The following SORCS3 variants were observed in gnomAD, a reference collection of about 807,000 sequenced individuals.
SORCS3 encodes sortilin related VPS10 domain containing receptor 3.
In SORCS3, 57 loss-of-function variants were observed where a neutral mutation model predicts 146.3. That is an observed-to-expected ratio of 0.39 (90% CI 0.31 to 0.49). SORCS3 has a LOEUF of 0.49. Among genes scored for constraint, SORCS3 ranks in the 20% least tolerant of loss-of-function variants. The pLI is 0.92. For synonymous variants in SORCS3, 653 were observed against 618.5 expected (o/e 1.06, Z -0.83); for missense variants, 1,341 against 1,575.5 (o/e 0.85, Z 2.52).
intron 13 of SORCS3, among the ~76,000 whole-genome samples, chr10:105,177,339 T>C (rs1385854340): frequency 1.3e-5 from 2 of 152,196 alleles, no homozygotes; most frequent in African/African-American, 4.8e-5. Context: ...TCAGAGGAGA[T>C]GGTCCTTGGG....
intron 2 of SORCS3, among the ~76,000 whole-genome samples, chr10:104,893,214 C>T (rs79921272): frequency 0.016 from 2,455 of 152,192 alleles, 67 homozygotes; most frequent in African/African-American, 0.056. Context: ...ACTTGGGTCC[C>T]AAGGAAAATG....
intron 2 of SORCS3, among the ~76,000 whole-genome samples, chr10:104,874,671 C>T (rs2018552887): frequency 6.6e-6 from 1 of 152,114 alleles, no homozygotes; most frequent in Non-Finnish European, 1.5e-5. Context: ...GTGAAGGTGT[C>T]ATAATGGAGG....
chr10:104,865,179 G>C (rs2018446176), intron 2 of SORCS3, among the ~76,000 whole-genome samples: 1 of 152,136 alleles, frequency 6.6e-6, no homozygotes, highest in Non-Finnish European at 1.5e-5. Flanking sequence ...TTCTCACACA[G>C]CATGGTTCCT....
intron 1 of SORCS3, among the ~76,000 whole-genome samples, chr10:104,735,788 C>T (rs1412308360): frequency 1.3e-5 from 2 of 152,034 alleles, no homozygotes; most frequent in African/African-American, 4.8e-5. Context: ...AGCATGGGCT[C>T]CAGCCAGGAC....
At chr10:105,202,829 A>C (rs896542534) in intron 16 of SORCS3, among the ~76,000 whole-genome samples, 1 of 152,200 alleles carries the variant, frequency 6.6e-6, no homozygotes, top group Non-Finnish European at 1.5e-5. Context: ...CATCACAATA[A>C]AAAGCTAAAG....
Position 104,850,930 on chromosome 10 carries a change from A to C in SORCS3, c.695+8071A>C, listed in dbSNP as rs1463398696. On this transcript the variant is annotated intron_variant, in intron 2 of 26. Coordinates refer to ENST00000369701, the MANE Select transcript of SORCS3 (RefSeq NM_014978.3). ...TGGTGAAGTTGCAATCCAAGTGTCA[A>C]TAAAATAACTTACTCTGCTAACTTG... Among the ~76,000 whole-genome samples the C allele has an allele frequency of 2.0e-5, 3 of 152,212 alleles. No individual in the cohort carries two copies. In the East Asian group the frequency reaches 5.8e-4, roughly 29 times the overall value.
At chr10:104,793,543 T>C (rs1169738159) in intron 1 of SORCS3, among the ~76,000 whole-genome samples, 1 of 152,144 alleles carries the variant, frequency 6.6e-6, no homozygotes, top group Non-Finnish European at 1.5e-5. Context: ...AAATCTGGAC[T>C]GAAGTTGTGG....
chr10:104,764,594 A>G (rs1295056207), intron 1 of SORCS3, among the ~76,000 whole-genome samples: 1 of 152,238 alleles, frequency 6.6e-6, no homozygotes. Flanking sequence ...AAGTGATAGT[A>G]ATTTGTAAAT....
chr10:105,074,105 A>G (rs2055574110), intron 5 of SORCS3, among the ~76,000 whole-genome samples: 2 of 152,204 alleles, frequency 1.3e-5, no homozygotes, highest in Admixed American at 1.3e-4. Flanking sequence ...ACATTAAATG[A>G]TATAAAGAAA....
chr10:105,063,971 T>C (rs149996272), intron 5 of SORCS3, among the ~76,000 whole-genome samples: 1 of 152,342 alleles, frequency 6.6e-6, no homozygotes, highest in Non-Finnish European at 1.5e-5. Context: ...CTGAGCATGC[T>C]GCTAGTTCCC....
chr10:105,043,354 C>T (rs945009085), intron 5 of SORCS3, among the ~76,000 whole-genome samples: 10 of 152,080 alleles, frequency 6.6e-5, no homozygotes, highest in African/African-American at 2.2e-4. Flanking sequence ...TTGCATTTAA[C>T]ATGATCCTTT....
intron 4 of SORCS3, among the ~76,000 whole-genome samples, chr10:104,993,423 AT>A (rs1564730570): frequency 6.6e-6 from 1 of 152,216 alleles, no homozygotes; most frequent in African/African-American, 2.4e-5. Context: ...GCTTTTTAAA[AT>A]GGAGACTTTA....
At chr10:105,165,325 A>G (rs1333004271) in intron 12 of SORCS3, among the ~76,000 whole-genome samples, 1 of 152,206 alleles carries the variant, frequency 6.6e-6, no homozygotes, top group Non-Finnish European at 1.5e-5. Flanking sequence ...CAGGAAAGAC[A>G]TCACAAGGAG....
intron 18 of SORCS3, 67 bp from the exon 19 acceptor site, chr10:105,216,869 G>A (rs746898364): frequency 2.0e-6 from 3 of 1,501,184 alleles, no homozygotes; most frequent in Non-Finnish European, 2.8e-6. Context: ...GAAGCAACAG[G>A]AGGAAGCATC....
At chr10:104,992,323 A>G (rs2054999285) in intron 4 of SORCS3, among the ~76,000 whole-genome samples, 1 of 152,242 alleles carries the variant, frequency 6.6e-6, no homozygotes, top group South Asian at 2.1e-4. Flanking sequence ...TTGGAAGAAC[A>G]TCGAGGGATC....
At chr10:105,017,145 A>ATTT (rs34734862) in intron 4 of SORCS3, among the ~76,000 whole-genome samples, 3 of 147,162 alleles carry the variant, frequency 2.0e-5, no homozygotes, top group Non-Finnish European at 3.0e-5. Flanking sequence ...AATGAAGGGG[A>ATTT]TTTTTTTTTT....
chr10:105,200,971 C>A, intron 15 of SORCS3, 149 bp from the exon 16 acceptor site: 1 of 862,146 alleles, frequency 1.2e-6, no homozygotes, highest in Non-Finnish European at 1.7e-6. Flanking sequence ...CACTTTTATT[C>A]TTGAAACTCC....
chr10:104,708,864 T>C (rs986342136), intron 1 of SORCS3, among the ~76,000 whole-genome samples: 1 of 152,198 alleles, frequency 6.6e-6, no homozygotes, highest in Non-Finnish European at 1.5e-5. Flanking sequence ...TTGAGGCATA[T>C]AGATTTTGTT....
Position 104,723,638 on chromosome 10 carries a change from A to T in SORCS3, c.627+81684A>T, listed in dbSNP as rs536684665. On this transcript the variant is annotated intron_variant, in intron 1 of 26. Transcript: ENST00000369701. ...TAAGTCTCTTTGTAGGTCTCTAAGG[A>T]CTTGCTTTATGAATCTGGGTGCTCC... is the stretch of plus-strand genomic sequence containing the variant. 2.1e-3 allele frequency among the ~76,000 whole-genome samples: 319 copies of T among 152,194 alleles called. 1 individual carries two copies. The highest frequency in any genetic ancestry group is 7.4e-3 in the African/African-American group (306 of 41,510).
Sources: gnomAD v4.1 joint callset for allele counts (sites outside exome capture counted in the v4.1 genomes callset) on GRCh38, gnomAD v4.1.1 for gene constraint, MANE v1.5 for transcripts, NCBI Gene and HGNC (gene_info 2026-07-23, HGNC 2026-07-21) for gene names.